The following CLPTM1L variants were observed in gnomAD, a reference collection of about 807,000 sequenced individuals.
The protein encoded by CLPTM1L is lipid scramblase CLPTM1L.
A neutral mutation model predicts 70.9 loss-of-function variants in CLPTM1L; 38 were observed. The ratio of observed to expected loss-of-function variants is 0.54; its 90% confidence interval spans 0.41 to 0.70. CLPTM1L has a LOEUF of 0.70. CLPTM1L is among the 30% of genes least tolerant of loss of function. CLPTM1L has a pLI of 0.00. For synonymous variants in CLPTM1L, 339 were observed against 299.9 expected (o/e 1.13, Z -1.35); for missense variants, 652 against 705.9 (o/e 0.92, Z 0.87).
At chr5:1,330,509 C>T in intron 8 of CLPTM1L, 126 bp from the exon 9 acceptor site, 1 of 661,694 alleles carries the variant, frequency 1.5e-6, no homozygotes, top group East Asian at 2.7e-5. Flanking sequence ...AGGTACTCCC[C>T]AGTCCACGTC....
intron 14 of CLPTM1L, 35 bp downstream of exon 14, chr5:1,321,729 G>C: frequency 6.2e-7 from 1 of 1,613,802 alleles, no homozygotes; most frequent in Non-Finnish European, 8.5e-7. Context: ...CACAGGAGAC[G>C]GGGGCCGGGC....
chr5:1,325,172 G>C, intron 10 of CLPTM1L: 1 of 352,614 alleles, frequency 2.8e-6, no homozygotes, highest in South Asian at 4.9e-5. Context: ...GGGCAAGGTG[G>C]AACACAGTGG....
At chr5:1,333,616 GTATACACACCA>G in intron 7 of CLPTM1L, among the ~76,000 whole-genome samples, 1 of 137,604 alleles carries the variant, frequency 7.3e-6, no homozygotes, top group Admixed American at 7.7e-5. Flanking sequence ...AGGGACTATT[GTATACACACCA>G]GATGAGGATA....
intron 13 of CLPTM1L, 146 bp downstream of exon 13, chr5:1,322,731 G>A (rs1350624887): frequency 1.2e-6 from 1 of 803,824 alleles, no homozygotes; most frequent in African/African-American, 1.7e-5. Context: ...GGGAGCCCTG[G>A]GCACCGCACA....
In CLPTM1L at chr5:1,321,625, T is replaced by A; in HGVS notation, c.1416+10A>T. On this transcript the variant is annotated intron_variant, in intron 15 of 16. Coordinates refer to ENST00000320895, the MANE Select transcript of CLPTM1L (RefSeq NM_030782.5). ...GTGAGAAGGGATTCCTCACCGGCTG[T>A]CACACTCACCTTGTAGGTGAAGGCC... 6.2e-7 allele frequency: 1 copy of A among 1,613,316 alleles called. No homozygotes were observed. The highest frequency in any genetic ancestry group is 8.5e-7 in the Non-Finnish European group (1 of 1,179,520).
intron 12 of CLPTM1L, among the ~76,000 whole-genome samples, 174 bp from the exon 13 acceptor site, chr5:1,323,085 G>A (rs959362247): frequency 5.3e-5 from 8 of 152,238 alleles, no homozygotes; most frequent in African/African-American, 1.9e-4. Flanking sequence ...TGGAGATAGC[G>A]CTGAGCACCC....
chr5:1,340,360 G>T (rs1462983394), intron 3 of CLPTM1L, among the ~76,000 whole-genome samples: 2 of 152,224 alleles, frequency 1.3e-5, no homozygotes, highest in Admixed American at 1.3e-4. Flanking sequence ...CTTACATGAA[G>T]TTAAACAGGA....
rs112531728 is a variant in CLPTM1L at position 1,329,684 on chromosome 5, C to A, written c.1080+596G>T. Among the ~76,000 whole-genome samples the A allele has an allele frequency of 4.5e-3, 355 of 78,778 alleles. 1 individual carries two copies. The highest frequency in any genetic ancestry group is 9.0e-3 in the African/African-American group (163 of 18,136). The allele number at this position is 78,778 out of a possible 152,430, so 51.7% of individuals were successfully genotyped here. Reference sequence around the variant, plus strand: ...GCCTGGTGGACAGGGCCTCAGGACTCTCTGCCTGGTGGACAGGGCCTCAGG... The same window carrying A: ...GCCTGGTGGACAGGGCCTCAGGACTATCTGCCTGGTGGACAGGGCCTCAGG... On this transcript the variant is annotated intron_variant, in intron 9 of 16. Coordinates refer to ENST00000320895, the MANE Select transcript of CLPTM1L (RefSeq NM_030782.5).
intron 11 of CLPTM1L, chr5:1,324,112 G>C (rs1752357805): frequency 3.7e-6 from 2 of 544,750 alleles, no homozygotes; most frequent in East Asian, 5.8e-5. Context: ...AACAATAATA[G>C]ATCAATTCTG....
At position 1,326,040 on chromosome 5, in the gene CLPTM1L, C is replaced by T. The variant is rs556069430; in HGVS notation, c.1081-224G>A. On this transcript the variant is annotated intron_variant, in intron 9 of 16. Coordinates refer to ENST00000320895, the MANE Select transcript of CLPTM1L (RefSeq NM_030782.5). Reference sequence around the variant, plus strand: ...CTGGTCAGGTGGGCTGCACAGCCACCGCCCAGCGGACAACAAAAACAGCAT... The same window carrying T: ...CTGGTCAGGTGGGCTGCACAGCCACTGCCCAGCGGACAACAAAAACAGCAT... The T allele has an allele frequency of 5.0e-4, 271 of 546,422 alleles. 2 individuals are homozygous for T. Among genetic ancestry groups the T allele is most frequent in the Middle Eastern group, 1.9e-3 (4 of 2,138 alleles). 33.8% of individuals were successfully genotyped at this position (546,422 alleles called of 1,614,324 possible).
At chr5:1,324,503 A>G (rs1477234205) in intron 11 of CLPTM1L, among the ~76,000 whole-genome samples, 2 of 152,210 alleles carry the variant, frequency 1.3e-5, no homozygotes, top group Non-Finnish European at 2.9e-5. Context: ...AATGTGACTT[A>G]CAAACGATGA....
rs1199527325 is a variant in CLPTM1L, at chr5:1,344,963, C to G, written c.-122G>C. 1 of 475,334 alleles carries G rather than the reference C, an allele frequency of 2.1e-6. No individual in the cohort carries two copies. Among genetic ancestry groups the G allele is most frequent in the Non-Finnish European group, 2.7e-6 (1 of 365,382 alleles). 29.4% of individuals were successfully genotyped at this position (475,334 alleles called of 1,614,324 possible). On this transcript the variant is annotated 5_prime_UTR_variant, in exon 1 of 17. Transcript: ENST00000320895. ...CTGGAGAGCCGCCGCGCGCCACCGCCACCGCCGCGGGGGAACGAATGCGCC... is the reference window on the plus strand; with the variant it reads ...CTGGAGAGCCGCCGCGCGCCACCGCGACCGCCGCGGGGGAACGAATGCGCC...
intron 13 of CLPTM1L, among the ~76,000 whole-genome samples, chr5:1,322,282 G>A (rs1752202676): frequency 6.6e-6 from 1 of 152,180 alleles, no homozygotes; most frequent in African/African-American, 2.4e-5. Flanking sequence ...GCTGCGATCA[G>A]GGCTGGTCTG....
intron 6 of CLPTM1L, 141 bp from the exon 7 acceptor site, chr5:1,334,524 C>T: frequency 3.3e-6 from 2 of 606,366 alleles, no homozygotes; most frequent in Non-Finnish European, 5.8e-6. Flanking sequence ...GAATCTCAGG[C>T]AGGCAGATCA....
In CLPTM1L at chr5:1,344,944, A is replaced by AGCCGCCGCGCGCCACCGCC; in HGVS notation, c.-122_-104dup. On this transcript the variant is annotated 5_prime_UTR_variant, in exon 1 of 17. The change abolishes the stop of an existing upstream ORF in the 5' untranslated region. Transcript: ENST00000320895. ...CTCCGGGCTCCGCCGCTCACTGGAG[A>AGCCGCCGCGCGCCACCGCC]GCCGCCGCGCGCCACCGCCACCGCC... 1.5e-6 allele frequency: 1 copy of AGCCGCCGCGCGCCACCGCC among 660,664 alleles called. No homozygotes were observed. Among genetic ancestry groups the AGCCGCCGCGCGCCACCGCC allele is most frequent in the Non-Finnish European group, 1.9e-6 (1 of 535,276 alleles). The allele number at this position is 660,664 out of a possible 1,614,324, so 40.9% of individuals were successfully genotyped here. A position where few individuals can be genotyped will look rare whatever the true frequency, so the allele number is the denominator to read the frequency against.
At chr5:1,322,687 A>G in intron 13 of CLPTM1L, 190 bp downstream of exon 13, 1 of 662,712 alleles carries the variant, frequency 1.5e-6, no homozygotes, top group Non-Finnish European at 2.7e-6. Context: ...ACTGTTGTGA[A>G]GCCACGCAGG....
intron 7 of CLPTM1L, among the ~76,000 whole-genome samples, chr5:1,332,638 G>GT (rs1490971529): frequency 6.6e-6 from 1 of 152,108 alleles, no homozygotes; most frequent in Non-Finnish European, 1.5e-5. Context: ...TTTACCCATG[G>GT]TTTACTGTCC....
chr5:1,344,444 A>C lies in CLPTM1L; in HGVS notation c.170T>G (p.Val57Gly). The C allele has an allele frequency of 6.2e-7, 1 of 1,613,380 alleles. No individual in the cohort carries two copies. The highest frequency in any genetic ancestry group is 8.5e-7 in the Non-Finnish European group (1 of 1,179,698). ...LARRPKLQLS[V>G]YTTTRSHLGA... ...CAGGTGGGACCTCGTCGTGGTGTAC[A>C]CGCTCAGCTGGAAAGGAGGGGGCGT... Residue 57 changes from valine to glycine, a missense_variant, in exon 2 of 17, where the codon GTG (valine) becomes GGG (glycine). This residue lies in a region of CLPTM1L where 402 missense variants were observed against 388.2 expected (regional missense o/e 1.04). Coordinates refer to ENST00000320895, the MANE Select transcript of CLPTM1L (RefSeq NM_030782.5).
chr5:1,338,638 A>G (rs1357368345), intron 4 of CLPTM1L, among the ~76,000 whole-genome samples: 1 of 152,228 alleles, frequency 6.6e-6, no homozygotes, highest in African/African-American at 2.4e-5. Context: ...AGCCAGGAGC[A>G]AAGGGCAGGA....
Sources: gnomAD v4.1 joint callset for allele counts (sites outside exome capture counted in the v4.1 genomes callset) on GRCh38, gnomAD v4.1.1 for gene constraint, gnomAD v4.1.1 regional missense constraint, MANE v1.5 for transcripts, NCBI Gene and HGNC (gene_info 2026-07-23, HGNC 2026-07-21) for gene names.